Variants in NEK2 observed in about 807,000 individuals in gnomAD.
NEK2 encodes the protein NIMA related kinase 2.
NEK2 carries 28 observed loss-of-function variants against 54.1 expected under a neutral mutation model. The ratio of observed to expected loss-of-function variants is 0.52; its 90% CI spans 0.38 to 0.71. The LOEUF is 0.71. NEK2 is among the 30% of genes least tolerant of loss of function. The probability of loss-of-function intolerance (pLI) is 0.00; values close to 1 mark genes in which losing one functional copy is unlikely to be tolerated. For synonymous variants in NEK2, 176 were observed against 193.1 expected (o/e 0.91, Z 0.73); for missense variants, 407 against 531.5 (o/e 0.77, Z 2.30).
intron 3 of NEK2, among the ~76,000 whole-genome samples, chr1:211,672,631 CAG>C (rs1458159075): frequency 3.5e-5 from 4 of 113,454 alleles, no homozygotes; most frequent in Non-Finnish European, 5.7e-5. Context: ...AAAAAAAAAA[CAG>C]AGTTCAAGAA....
rs774546841 is a variant in NEK2 at position 211,669,171 on chromosome 1, C to G, written c.927G>C (p.Lys309Asn). Reference sequence around the variant, plus strand: ...GCTCTCGCTCCTGTAACTGAATTTCCTTCAGTTTCAGCTCACTCAATACAG... The same window carrying G: ...GCTCTCGCTCCTGTAACTGAATTTCGTTCAGTTTCAGCTCACTCAATACAG... ...SSPVLSELKL[K>N]EIQLQERERA... Residue 309 changes from lysine (K) to asparagine (N), a missense_variant, in exon 6 of 8, where the codon AAG becomes AAC. Physicochemically the swap from Lys to Asn is moderately conservative, Grantham distance 94 (BLOSUM62 0). Coordinates refer to ENST00000366999, the MANE Select transcript of NEK2 (RefSeq NM_002497.4). 1 of 1,613,936 alleles carries G rather than the reference C, an allele frequency of 6.2e-7. No individual in the cohort carries two copies. The highest frequency in any genetic ancestry group is 1.7e-5 in the Admixed American group (1 of 60,014).
At chr1:211,675,060 G>T (rs1050757805) in intron 1 of NEK2, among the ~76,000 whole-genome samples, 1 of 152,192 alleles carries the variant, frequency 6.6e-6, no homozygotes, top group African/African-American at 2.4e-5. Context: ...TCTTGTGCCT[G>T]AGAGGGCCAC....
chr1:211,671,064 AC>A (rs1233422401), intron 4 of NEK2, 137 bp downstream of exon 4: 1 of 662,872 alleles, frequency 1.5e-6, no homozygotes, highest in African/African-American at 1.8e-5. Flanking sequence ...TCATCTATCT[AC>A]CTTAATTTTA....
chr1:211,671,879 T>C (rs1406761987), intron 3 of NEK2, among the ~76,000 whole-genome samples: 9 of 152,232 alleles, frequency 5.9e-5, no homozygotes. Flanking sequence ...GATGCCACTT[T>C]TTGACAATCA....
intron 1 of NEK2, 101 bp from the exon 2 acceptor site, chr1:211,674,614 C>A (rs1655518401): frequency 2.4e-6 from 2 of 840,950 alleles, no homozygotes; most frequent in South Asian, 1.8e-5. Flanking sequence ...TAATTATATC[C>A]TACAATCAAG....
rs1655554728 is a variant in NEK2 at position 211,675,479 on chromosome 1, TGGCC to T, written c.-4_-1del. The T allele has an allele frequency of 6.2e-7, 1 of 1,612,564 alleles. No individual in the cohort carries two copies. Reference sequence around the variant, plus strand: ...TCATAGTCCTCAGCCCGGGAAGGCATGGCCGGCCAGTCGCCAGAGTCGCGCTGCC... The same window carrying T: ...TCATAGTCCTCAGCCCGGGAAGGCATGGCCAGTCGCCAGAGTCGCGCTGCC... On this transcript the variant is annotated 5_prime_UTR_variant, in exon 1 of 8. Coordinates refer to ENST00000366999, the MANE Select transcript of NEK2 (RefSeq NM_002497.4).
At chr1:211,670,747 C>T (rs1389588762) in intron 4 of NEK2, among the ~76,000 whole-genome samples, 1 of 152,204 alleles carries the variant, frequency 6.6e-6, no homozygotes, top group Non-Finnish European at 1.5e-5. Flanking sequence ...ATTTGCTTCC[C>T]TTATCCCTAG....
At chr1:211,674,563 A>G in intron 1 of NEK2, 50 bp from the exon 2 acceptor site, 4 of 1,348,048 alleles carry the variant, frequency 3.0e-6, no homozygotes, top group Non-Finnish European at 4.1e-6. Context: ...GCTCAAAAAC[A>G]AAGAATGAAA....
At chr1:211,667,556 A>G (rs991559423) in intron 6 of NEK2, among the ~76,000 whole-genome samples, 1 of 152,222 alleles carries the variant, frequency 6.6e-6, no homozygotes, top group Non-Finnish European at 1.5e-5. Context: ...CACTGAAGAT[A>G]AGCAACAGCT....
At chr1:211,673,218 G>C (rs1042640950) in intron 3 of NEK2, among the ~76,000 whole-genome samples, 2 of 152,038 alleles carry the variant, frequency 1.3e-5, no homozygotes, top group Non-Finnish European at 2.9e-5. Flanking sequence ...AGACCAGCCT[G>C]GTCAACATGA....
Position 211,673,764 on chromosome 1 carries a change from A to G in NEK2, c.315-41T>C, listed in dbSNP as rs190718202. On this transcript the variant is annotated intron_variant, in intron 2 of 7. Coordinates refer to ENST00000366999, the MANE Select transcript of NEK2 (RefSeq NM_002497.4). ...TTATACAGCATATAACTTCTAAAAA[A>G]ATCATTGCCAAGATGGGATGATATA... 1,857 of 1,591,424 alleles carry G rather than the reference A, an allele frequency of 1.2e-3. 6 individuals are homozygous for G. The highest frequency in any genetic ancestry group is 2.8e-3 in the South Asian group (247 of 89,784).
In NEK2 at chr1:211,669,158, G is replaced by C. The variant is rs746813208; in HGVS notation, c.940C>G (p.Gln314Glu). The C allele has an allele frequency of 3.7e-6, 6 of 1,613,908 alleles. No individual in the cohort carries two copies. ...SELKLKEIQL[Q>E]ERERALKARE... is the part of the protein sequence containing the mutation. ...GCTTTGAGAGCTCGCTCTCGCTCCT[G>C]TAACTGAATTTCCTTCAGTTTCAGC... Residue 314 changes from glutamine (Q) to glutamate (E), a missense_variant, in exon 6 of 8, where the codon CAG becomes GAG. Coordinates refer to ENST00000366999, the MANE Select transcript of NEK2 (RefSeq NM_002497.4).
At chr1:211,671,050 C>G in intron 4 of NEK2, 152 bp downstream of exon 4, 1 of 623,570 alleles carries the variant, frequency 1.6e-6, no homozygotes, top group East Asian at 2.8e-5. Flanking sequence ...TTCTTTTAGC[C>G]TGTTCATCTA....
intron 7 of NEK2, among the ~76,000 whole-genome samples, chr1:211,665,357 T>A (rs960917265): frequency 2.6e-4 from 39 of 152,234 alleles, no homozygotes; most frequent in Admixed American, 2.6e-3. Flanking sequence ...TTTAAATATT[T>A]GCCATGATTC....
At chr1:211,666,911 G>T (rs1018380944) in intron 7 of NEK2, 195 bp downstream of exon 7, 1 of 1,382,302 alleles carries the variant, frequency 7.2e-7, no homozygotes, top group Non-Finnish European at 9.3e-7. Flanking sequence ...ATTGCCTCAG[G>T]TCTATGAACC....
chr1:211,675,313 T>C, intron 1 of NEK2, 71 bp downstream of exon 1: 12 of 1,397,300 alleles, frequency 8.6e-6, no homozygotes, highest in Non-Finnish European at 1.2e-5. Context: ...TTCCCTTCGG[T>C]GGCGCAGGGC....
chr1:211,673,651 T>C lies in NEK2; in HGVS notation c.387A>G (p.Arg129=), dbSNP rs1396725844. ...ATACGGTATGACCACCATCACTTCGTCTGTGGCATTCCTTCAGGGCCAGAG... is the reference window on the plus strand; with the variant it reads ...ATACGGTATGACCACCATCACTTCGCCTGTGGCATTCCTTCAGGGCCAGAG... ...QLTLALKECH[R]RSDGGHTVLH... is the part of the protein sequence containing the mutation. Residue 129 remains arginine (R), a synonymous_variant, in exon 3 of 8, where the codon AGA becomes AGG. Transcript: ENST00000366999. 1.2e-6 allele frequency: 2 copies of C among 1,614,080 alleles called. No individual in the cohort carries two copies. Among genetic ancestry groups the C allele is most frequent in the Non-Finnish European group, 8.5e-7 (1 of 1,180,040 alleles).
chr1:211,669,007 T>G, intron 6 of NEK2, 106 bp downstream of exon 6: 1 of 1,068,556 alleles, frequency 9.4e-7, no homozygotes, highest in Non-Finnish European at 1.4e-6. Flanking sequence ...CAAAAGCTTC[T>G]AATAAGATCT....
intron 5 of NEK2, among the ~76,000 whole-genome samples, chr1:211,669,886 C>T (rs562584143): frequency 1.3e-5 from 2 of 152,304 alleles, no homozygotes; most frequent in African/African-American, 2.4e-5. Context: ...CTCCATCACC[C>T]CTCCCCTTCT....
Sources: allele counts gnomAD v4.1 joint callset (sites outside exome capture counted in the v4.1 genomes callset), GRCh38; gene constraint gnomAD v4.1.1; transcripts MANE v1.5; gene names NCBI Gene and HGNC (gene_info 2026-07-23, HGNC 2026-07-21).